COL11A1: variants seen among roughly 807,000 people sequenced by gnomAD.
COL11A1 encodes collagen alpha-1(XI) chain.
COL11A1 carries 74 observed loss-of-function variants against 265.2 expected under a neutral mutation model. The ratio of observed to expected loss-of-function variants is 0.28; its 90% confidence interval spans 0.23 to 0.34. The LOEUF (loss-of-function observed/expected upper bound fraction) is 0.34, where lower values mean the gene tolerates loss of function less well. Among genes scored for constraint, COL11A1 ranks in the 10% least tolerant of loss-of-function variants. The probability of loss-of-function intolerance (pLI) is 1.00; values close to 1 mark genes in which losing one functional copy is unlikely to be tolerated. For missense variants in COL11A1, 2,165 were observed against 2,263.6 expected, an observed-to-expected ratio of 0.96 and a Z score of 0.88; for synonymous variants, 816 against 727.6, an observed-to-expected ratio of 1.12 and a Z score of -1.96.
chr1:102,931,708 T>A (rs1423339972), intron 46 of COL11A1, among the ~76,000 whole-genome samples: 1 of 152,064 alleles, frequency 6.6e-6, no homozygotes, highest in Non-Finnish European at 1.5e-5. Flanking sequence ...AAGTCTCCCA[T>A]TATTAATGTG....
At chr1:103,042,901 A>T (rs12126616) in intron 4 of COL11A1, among the ~76,000 whole-genome samples, 6,866 of 150,044 alleles carry the variant, frequency 0.046, 208 homozygotes, top group Non-Finnish European at 0.071. Flanking sequence ...AAGACCTAAT[A>T]TAGAAATTGG....
At chr1:103,065,815 C>T (rs1370352909) in intron 4 of COL11A1, among the ~76,000 whole-genome samples, 4 of 151,458 alleles carry the variant, frequency 2.6e-5, no homozygotes, top group East Asian at 1.9e-4. Context: ...TTAATAAACC[C>T]GAAACAGAAT....
intron 28 of COL11A1, among the ~76,000 whole-genome samples, chr1:102,991,558 C>A (rs368755772): frequency 5.3e-5 from 8 of 152,174 alleles, no homozygotes; most frequent in African/African-American, 1.9e-4. Context: ...TGCCGTCCTG[C>A]ATTTTCTAGA....
At chr1:103,021,597 G>T in intron 9 of COL11A1, 110 bp downstream of exon 9, 1 of 763,948 alleles carries the variant, frequency 1.3e-6, no homozygotes, top group South Asian at 1.4e-5. Flanking sequence ...GCAAACATCT[G>T]GACATCAAGA....
At chr1:102,961,452 A>G (rs923960688) in intron 41 of COL11A1, among the ~76,000 whole-genome samples, 2 of 152,232 alleles carry the variant, frequency 1.3e-5, no homozygotes, top group African/African-American at 4.8e-5. Context: ...TATGTTTTAT[A>G]ATAAATGAAT....
intron 54 of COL11A1, among the ~76,000 whole-genome samples, chr1:102,903,866 T>A (rs1481781930): frequency 6.6e-6 from 1 of 152,176 alleles, no homozygotes; most frequent in African/African-American, 2.4e-5. Context: ...TTATGTACAG[T>A]ACTTTCTTCT....
intron 5 of COL11A1, among the ~76,000 whole-genome samples, chr1:103,029,442 G>C (rs1452847774): frequency 1.3e-5 from 2 of 151,860 alleles, no homozygotes; most frequent in African/African-American, 4.8e-5. Flanking sequence ...ATTAATATAA[G>C]CACTACTTAC....
chr1:103,012,246 T>G (rs554107203), intron 14 of COL11A1, among the ~76,000 whole-genome samples, 167 bp downstream of exon 14: 1 of 151,992 alleles, frequency 6.6e-6, no homozygotes, highest in African/African-American at 2.4e-5. Context: ...GATCAAAATG[T>G]ACAGAAAACT....
intron 54 of COL11A1, among the ~76,000 whole-genome samples, chr1:102,907,186 A>C (rs1376059493): frequency 1.3e-5 from 2 of 152,124 alleles, no homozygotes; most frequent in African/African-American, 4.8e-5. Context: ...GTTATTATTA[A>C]TTCATGAATA....
chr1:103,045,514 G>C (rs1357716652), intron 4 of COL11A1, among the ~76,000 whole-genome samples: 1 of 151,994 alleles, frequency 6.6e-6, no homozygotes, highest in African/African-American at 2.4e-5. Flanking sequence ...ACTATATACA[G>C]TCAAATCATA....
chr1:102,995,912 T>C lies in COL11A1; in HGVS notation c.2296-4A>G. 3 of 1,612,228 alleles carry C rather than the reference T, an allele frequency of 1.9e-6. No individual in the cohort carries two copies. The highest frequency in any genetic ancestry group is 2.5e-6 in the Non-Finnish European group (3 of 1,179,064). ...GACCTCTGACACCATCTGCTCCCTG[T>C]GGAATAAATTAGAAGTATTAAGTGA... On this transcript the variant is annotated splice_polypyrimidine_tract_variant and splice_region_variant and intron_variant, in intron 27 of 66. Coordinates refer to ENST00000370096, the MANE Select transcript of COL11A1 (RefSeq NM_001854.4).
chr1:102,932,671 A>G (rs984533823), intron 46 of COL11A1, among the ~76,000 whole-genome samples: 1 of 151,992 alleles, frequency 6.6e-6, no homozygotes, highest in Non-Finnish European at 1.5e-5. Flanking sequence ...CTCCTGGATA[A>G]TATCCTGCAG....
chr1:102,988,111 A>G lies in COL11A1; in HGVS notation c.2395-371T>C, dbSNP rs1303848854. 2.0e-5 allele frequency among the ~76,000 whole-genome samples: 3 copies of G among 152,206 alleles called. No homozygotes were observed. The East Asian group carries it at 5.8e-4, about 29-fold the overall frequency. Reference sequence around the variant, plus strand: ...CCCAATTACTCCTGTAAATAACATCACTACGTAGAACATAAGATTAGCCTT... The same window carrying G: ...CCCAATTACTCCTGTAAATAACATCGCTACGTAGAACATAAGATTAGCCTT... On this transcript the variant is annotated intron_variant, in intron 29 of 66. Coordinates refer to ENST00000370096, the MANE Select transcript of COL11A1 (RefSeq NM_001854.4).
At chr1:103,000,632 A>G (rs1380009605) in intron 24 of COL11A1, among the ~76,000 whole-genome samples, 1 of 152,004 alleles carries the variant, frequency 6.6e-6, no homozygotes, top group Non-Finnish European at 1.5e-5. Context: ...AATGTGCAGA[A>G]ATGACTATCC....
intron 54 of COL11A1, among the ~76,000 whole-genome samples, chr1:102,900,662 T>A (rs1429964298): frequency 6.6e-6 from 1 of 152,070 alleles, no homozygotes; most frequent in Non-Finnish European, 1.5e-5. Context: ...AAGGAAAATA[T>A]CACCTTTACT....
chr1:102,914,464 T>C, intron 51 of COL11A1, 59 bp from the exon 52 acceptor site: 1 of 1,471,794 alleles, frequency 6.8e-7, no homozygotes, highest in Non-Finnish European at 9.3e-7. Context: ...TATAAAATTA[T>C]GACATTCTGG....
At chr1:102,934,690 G>A in intron 45 of COL11A1, 134 bp from the exon 46 acceptor site, 2 of 727,300 alleles carry the variant, frequency 2.7e-6, no homozygotes, top group South Asian at 1.6e-5. Context: ...TAGACTGAAT[G>A]CCCATTATCT....
chr1:102,932,123 G>C (rs547625973), intron 46 of COL11A1, among the ~76,000 whole-genome samples: 18 of 151,058 alleles, frequency 1.2e-4, no homozygotes, highest in African/African-American at 4.1e-4. Context: ...GTGTGAATTT[G>C]ATCCTGTCAT....
At chr1:102,881,671 C>T (rs184301971) in intron 65 of COL11A1, 26 bp downstream of exon 65, 58 of 1,566,186 alleles carry the variant, frequency 3.7e-5, no homozygotes, top group Admixed American at 6.7e-5. Context: ...CGTGAAAAAT[C>T]GTTTCATGTT....
Sources: allele counts gnomAD v4.1 joint callset (sites outside exome capture counted in the v4.1 genomes callset), GRCh38; gene constraint gnomAD v4.1.1; transcripts MANE v1.5; gene names NCBI Gene and HGNC (gene_info 2026-07-23, HGNC 2026-07-21).